Variants in PCMTD2 observed in about 807,000 individuals in gnomAD.
PCMTD2 encodes the protein protein-L-isoaspartate (D-aspartate) O-methyltransferase domain containing 2.
In PCMTD2, 16 loss-of-function variants were observed where a neutral mutation model predicts 33.4. The ratio of observed to expected loss-of-function variants is 0.48; its 90% CI spans 0.32 to 0.73. The LOEUF (loss-of-function observed/expected upper bound fraction) is 0.73, where lower values mean the gene tolerates loss of function less well. Among genes scored for constraint, PCMTD2 ranks in the 30% least tolerant of loss-of-function variants. The pLI is 0.03. For missense variants in PCMTD2, 374 were observed against 449.9 expected, an observed-to-expected ratio of 0.83 and a Z score of 1.53; for synonymous variants, 161 against 160.8, an observed-to-expected ratio of 1.00 and a Z score of -0.01.
chr20:64,258,804 A>AC (rs1310246410), intron 1 of PCMTD2: 2 of 152,214 alleles, frequency 1.3e-5, no homozygotes, highest in African/African-American at 4.8e-5. Context: ...TTTTTCCCTG[A>AC]CAATTTGTAT....
rs987060478 is a variant in PCMTD2 at position 64,273,893 on chromosome 20, C to T, written c.*293C>T. The T allele has an allele frequency of 6.1e-5, 17 of 276,934 alleles. No individual in the cohort carries two copies. Among genetic ancestry groups the T allele is most frequent in the African/African-American group, 1.8e-4 (8 of 45,506 alleles). 17.2% of individuals were successfully genotyped at this position (276,934 alleles called of 1,614,324 possible). A position where few individuals can be genotyped will look rare whatever the true frequency, so the allele number is the denominator to read the frequency against. ...AAGGCTGTTTCTTTTTCGGCTCTGA[C>T]GAAACACTGAAGTCTGCGTAAGAGA... On this transcript the variant is annotated 3_prime_UTR_variant, in exon 6 of 6. Coordinates refer to ENST00000308824, the MANE Select transcript of PCMTD2 (RefSeq NM_018257.3).
At chr20:64,265,199 C>G (rs1985605224) in intron 3 of PCMTD2, 59 bp from the exon 4 acceptor site, 2 of 1,260,474 alleles carry the variant, frequency 1.6e-6, no homozygotes, top group Non-Finnish European at 2.2e-6. Context: ...CATAGATTTA[C>G]TGTATAGACT....
intron 4 of PCMTD2, chr20:64,265,672 C>T (rs112246168): frequency 5.1e-6 from 2 of 392,488 alleles, no homozygotes; most frequent in African/African-American, 2.0e-5. Flanking sequence ...CTCTGTCTCT[C>T]TCTTTTTCCT....
intron 4 of PCMTD2, among the ~76,000 whole-genome samples, chr20:64,266,459 T>C (rs983302933): frequency 2.0e-5 from 3 of 151,990 alleles, no homozygotes; most frequent in African/African-American, 4.8e-5. Context: ...GGTTTCACCA[T>C]GTTGTTCAGG....
intron 1 of PCMTD2, chr20:64,259,701 TTCAAATAAACG>T: frequency 4.0e-6 from 2 of 495,520 alleles, no homozygotes; most frequent in Non-Finnish European, 7.1e-6. Context: ...AAATTTGAAT[TTCAAATAAACG>T]TCAAATAACT....
At chr20:64,266,249 A>ATATT (rs375762835) in intron 4 of PCMTD2, among the ~76,000 whole-genome samples, 7,700 of 151,460 alleles carry the variant, frequency 0.051, 265 homozygotes, top group Non-Finnish European at 0.076. Flanking sequence ...TATTTTTTAA[A>ATATT]TATTTATTTA....
intron 1 of PCMTD2, among the ~76,000 whole-genome samples, chr20:64,258,462 G>T (rs966710904): frequency 1.3e-5 from 2 of 152,224 alleles, no homozygotes; most frequent in Non-Finnish European, 2.9e-5. Context: ...AAAATCTTGA[G>T]TGTGAAGATT....
chr20:64,263,226 G>C (rs1985507443), intron 2 of PCMTD2, among the ~76,000 whole-genome samples: 1 of 152,196 alleles, frequency 6.6e-6, no homozygotes, highest in Non-Finnish European at 1.5e-5. Flanking sequence ...AGTAATTCAG[G>C]ATTTGATGTT....
At position 64,273,509 on chromosome 20, in the gene PCMTD2, A is replaced by AC. The variant is rs1442840961; in HGVS notation, c.1001dup (p.Val335SerfsTer37). ...AAGACCCCGCCGGAAACAAAGCCAG[A>AC]CCCCCCAGTGAACTTCCTACGCCAG... On this transcript the variant is annotated frameshift_variant, in exon 6 of 6. Transcript: ENST00000308824. LOFTEE classifies it high-confidence loss of function. The AC allele has an allele frequency of 7.5e-6, 12 of 1,601,062 alleles. 1 individual carries two copies. The highest frequency in any genetic ancestry group is 3.4e-5 in the South Asian group (3 of 88,832).
chr20:64,265,617 G>GA (rs1374450378), intron 4 of PCMTD2, 188 bp downstream of exon 4: 1 of 438,394 alleles, frequency 2.3e-6, no homozygotes, highest in Non-Finnish European at 4.0e-6. Context: ...GACTCAGGTG[G>GA]GTGCTTCAGA....
In PCMTD2 at chr20:64,275,946, C is replaced by G. The variant is rs548983291; in HGVS notation, c.*2346C>G. ...TTACCAGTCTGGAACTTGGGAAAAT[C>G]CAGGGAATTTGAAACATAGATTTTA... is the stretch of plus-strand genomic sequence containing the variant. On this transcript the variant is annotated 3_prime_UTR_variant, in exon 6 of 6. Coordinates refer to ENST00000308824, the MANE Select transcript of PCMTD2 (RefSeq NM_018257.3). 9 of 152,064 alleles carry G rather than the reference C, an allele frequency of 5.9e-5. No individual in the cohort carries two copies. The highest frequency in any genetic ancestry group is 1.3e-4 in the Non-Finnish European group (9 of 68,012). 9.4% of individuals were successfully genotyped at this position (152,064 alleles called of 1,614,324 possible).
chr20:64,261,220 T>C (rs1360518679), intron 2 of PCMTD2, among the ~76,000 whole-genome samples: 18 of 152,148 alleles, frequency 1.2e-4, no homozygotes, highest in African/African-American at 3.9e-4. Flanking sequence ...TTTAACTCAG[T>C]AGGGTGGAAA....
At chr20:64,256,849 A>C (rs1008861843) in intron 1 of PCMTD2, 1 of 152,192 alleles carries the variant, frequency 6.6e-6, no homozygotes, top group East Asian at 1.9e-4. Context: ...TGTCTCCAAC[A>C]TGTACCACTG....
intron 1 of PCMTD2, among the ~76,000 whole-genome samples, chr20:64,257,321 A>G (rs564640232): frequency 6.6e-6 from 1 of 152,326 alleles, no homozygotes; most frequent in African/African-American, 2.4e-5. Flanking sequence ...AGTGTTCTTC[A>G]TGTGCCCTGG....
chr20:64,272,182 T>C (rs11906201), intron 5 of PCMTD2: 96,060 of 384,126 alleles, frequency 0.25, 12,925 homozygotes, highest in African/African-American at 0.56. Context: ...TGAGGGTTTC[T>C]GAAGAACAGT....
At chr20:64,266,248 A>AATAT (rs1268866329) in intron 4 of PCMTD2, among the ~76,000 whole-genome samples, 1 of 149,870 alleles carries the variant, frequency 6.7e-6, no homozygotes, top group Non-Finnish European at 1.5e-5. Flanking sequence ...TTATTTTTTA[A>AATAT]ATATTTATTT....
chr20:64,260,764 G>C (rs576520828), intron 2 of PCMTD2, among the ~76,000 whole-genome samples: 9 of 139,686 alleles, frequency 6.4e-5, no homozygotes, highest in Admixed American at 1.5e-4. Context: ...GGAGTGCCGT[G>C]ACACGAGCAA....
intron 5 of PCMTD2, 94 bp from the exon 6 acceptor site, chr20:64,273,127 T>C (rs1465438228): frequency 1.9e-6 from 2 of 1,028,254 alleles, no homozygotes; most frequent in Non-Finnish European, 2.9e-6. Flanking sequence ...AATTTGCCAG[T>C]TAATTGAAAT....
At chr20:64,269,547 A>T (rs1042496567) in intron 5 of PCMTD2, among the ~76,000 whole-genome samples, 33 of 152,324 alleles carry the variant, frequency 2.2e-4, no homozygotes, top group Middle Eastern at 3.4e-3. Context: ...TTCCTGGGCC[A>T]GTTTCCTATA....
Sources: gnomAD v4.1 joint callset for allele counts (sites outside exome capture counted in the v4.1 genomes callset) on GRCh38, gnomAD v4.1.1 for gene constraint, MANE v1.5 for transcripts, NCBI Gene and HGNC (gene_info 2026-07-23, HGNC 2026-07-21) for gene names.